ANK2: variants seen among roughly 807,000 people sequenced by gnomAD.
ANK2 encodes ankyrin-2.
Under a neutral mutation model 360.5 loss-of-function variants are expected in ANK2, and 83 were observed. The ratio of observed to expected loss-of-function variants is 0.23; its 90% CI spans 0.19 to 0.28. The LOEUF (loss-of-function observed/expected upper bound fraction) is 0.28. ANK2 is among the 10% of genes least tolerant of loss of function. The pLI, the probability that ANK2 is intolerant of heterozygous loss-of-function variation, is 1.00. For synonymous variants in ANK2, 1,740 were observed against 1,759.5 expected (o/e 0.99, Z 0.28); for missense variants, 4,201 against 4,795.7 (o/e 0.88, Z 3.66).
intron 1 of ANK2, among the ~76,000 whole-genome samples, chr4:112,862,669 T>C (rs1190481161): frequency 6.6e-6 from 1 of 152,246 alleles, no homozygotes; most frequent in Non-Finnish European, 1.5e-5. Flanking sequence ...TGTGCTTTTA[T>C]AATTTATAAT....
intron 2 of ANK2, among the ~76,000 whole-genome samples, chr4:113,022,199 G>A (rs1284425902): frequency 1.3e-5 from 2 of 152,172 alleles, no homozygotes; most frequent in Non-Finnish European, 2.9e-5. Flanking sequence ...ACAAATAAAT[G>A]TCGAGACTAG....
chr4:112,752,420 T>A, the ANK2 span, among the ~76,000 whole-genome samples: 1 of 152,194 alleles, frequency 6.6e-6, no homozygotes, highest in Non-Finnish European at 1.5e-5. Context: ...CTTTTGTTTT[T>A]TGTCTTTTAG....
chr4:113,072,070 A>T (rs1014597414), intron 1 of ANK2: 1 of 152,148 alleles, frequency 6.6e-6, no homozygotes, highest in African/African-American at 2.4e-5. Context: ...CCCACGACAC[A>T]TGGGGATTAT....
intron 2 of ANK2, among the ~76,000 whole-genome samples, chr4:113,044,067 C>T (rs1007842294): frequency 6.6e-6 from 1 of 152,086 alleles, no homozygotes; most frequent in Non-Finnish European, 1.5e-5. Flanking sequence ...ATGGGAGTAT[C>T]GTTCACATAA....
the ANK2 span, among the ~76,000 whole-genome samples, chr4:112,719,588 C>T: frequency 1.2e-4 from 18 of 151,848 alleles, no homozygotes; most frequent in Non-Finnish European, 1.5e-5. Context: ...ATTAGCCAGG[C>T]GTTGTGGTGG....
chr4:113,366,391 CTT>C (rs58588518), intron 41 of ANK2, among the ~76,000 whole-genome samples: 189 of 108,330 alleles, frequency 1.7e-3, no homozygotes, highest in African/African-American at 7.7e-3. Context: ...TTCTTGCTTC[CTT>C]TTTTTTTTTT....
intron 1 of ANK2, among the ~76,000 whole-genome samples, chr4:112,856,552 A>T (rs1017210950): frequency 2.0e-5 from 3 of 152,022 alleles, no homozygotes; most frequent in Admixed American, 2.0e-4. Flanking sequence ...ATATGGTGAA[A>T]CCCCATCTCT....
At chr4:113,363,815 T>C (rs928568712) in intron 40 of ANK2, among the ~76,000 whole-genome samples, 2 of 152,158 alleles carry the variant, frequency 1.3e-5, no homozygotes, top group African/African-American at 4.8e-5. Flanking sequence ...TGGGTGTGTG[T>C]GAGTGCCCCC....
At chr4:113,287,804 G>C in intron 19 of ANK2, 101 bp downstream of exon 19, 1 of 928,038 alleles carries the variant, frequency 1.1e-6, no homozygotes, top group East Asian at 2.6e-5. Context: ...CCCTCCTCAA[G>C]AGTCCATTCT....
chr4:112,814,703 A>G (rs76745077), upstream of ANK2, among the ~76,000 whole-genome samples: 5 of 152,184 alleles, frequency 3.3e-5, no homozygotes, highest in Non-Finnish European at 7.4e-5. Flanking sequence ...TGCTTGCTCT[A>G]TAGAGGACAA....
chr4:112,856,325 A>C (rs1248037458), intron 1 of ANK2, among the ~76,000 whole-genome samples: 2 of 152,188 alleles, frequency 1.3e-5, no homozygotes, highest in African/African-American at 4.8e-5. Flanking sequence ...TAATAAAATA[A>C]ATTTTATTTA....
chr4:113,203,858 T>A (rs2098897847), intron 4 of ANK2, among the ~76,000 whole-genome samples: 1 of 152,190 alleles, frequency 6.6e-6, no homozygotes, highest in African/African-American at 2.4e-5. Flanking sequence ...CCTCAAAGAA[T>A]AATTTTTAAA....
chr4:112,933,624 C>T (rs1469071886), intron 2 of ANK2, among the ~76,000 whole-genome samples: 1 of 152,056 alleles, frequency 6.6e-6, no homozygotes. Flanking sequence ...CCTCAGCCTC[C>T]CGAGTAGCTG....
intron 2 of ANK2, among the ~76,000 whole-genome samples, chr4:112,966,406 T>C (rs1045687188): frequency 5.9e-5 from 9 of 151,852 alleles, no homozygotes; most frequent in Non-Finnish European, 7.4e-5. Flanking sequence ...TTAATCATGG[T>C]AAATACTGTT....
intron 4 of ANK2, among the ~76,000 whole-genome samples, chr4:113,204,687 C>G (rs1036742454): frequency 1.3e-5 from 2 of 152,070 alleles, no homozygotes. Flanking sequence ...GGTACGGACA[C>G]CTTCCTTCCA....
intron 1 of ANK2, among the ~76,000 whole-genome samples, chr4:113,144,935 A>G (rs1029217316): frequency 1.3e-5 from 2 of 151,646 alleles, no homozygotes; most frequent in Admixed American, 6.6e-5. Context: ...TTCATACAGC[A>G]TATCTAATGT....
At position 113,093,348 on chromosome 4, in the gene ANK2, T is replaced by C. The variant is rs144374369; in HGVS notation, c.84+43536T>C. ...ATATAAGAAGTAGTTCCTTTTTGTG[T>C]ATTTATATTTATTTTATTTATTTAT... is the stretch of plus-strand genomic sequence containing the variant. On this transcript the variant is annotated intron_variant, in intron 1 of 45. Transcript: ENST00000357077. 1.3e-4 allele frequency among the ~76,000 whole-genome samples: 20 copies of C among 152,226 alleles called. No individual in the cohort carries two copies. The East Asian group carries it at 2.1e-3, about 16-fold the overall frequency.
chr4:112,901,864 C>CAAA lies in ANK2; in HGVS notation c.-39-2579_-39-2577dup, dbSNP rs199731018. Among the ~76,000 whole-genome samples, 84 of 82,608 alleles carry CAAA rather than the reference C, an allele frequency of 1.0e-3. 1 individual carries two copies. Among genetic ancestry groups the CAAA allele is most frequent in the African/African-American group, 3.4e-3 (78 of 22,742 alleles). 54.2% of individuals were successfully genotyped at this position (82,608 alleles called of 152,430 possible). Reference sequence around the variant, plus strand: ...TGGGCGACAGAGTGAGACTCTGTCTCAAAAAAAAAAAAAAGGAAGAAGAAG... The same window carrying CAAA: ...TGGGCGACAGAGTGAGACTCTGTCTCAAAAAAAAAAAAAAAAAGGAAGAAGAAG... On this transcript the variant is annotated intron_variant, in intron 1 of 30. Transcript: ENST00000503271.
chr4:113,220,178 AAG>A (rs1214831221), intron 4 of ANK2, among the ~76,000 whole-genome samples: 1 of 152,190 alleles, frequency 6.6e-6, no homozygotes, highest in Non-Finnish European at 1.5e-5. Flanking sequence ...AGCTTTCCAA[AAG>A]AGAATTCGAG....
Sources: allele counts gnomAD v4.1 joint callset (sites outside exome capture counted in the v4.1 genomes callset), GRCh38; gene constraint gnomAD v4.1.1; transcripts MANE v1.5; gene names NCBI Gene and HGNC (gene_info 2026-07-23, HGNC 2026-07-21).